Variants in AKAP13 observed in about 807,000 individuals in gnomAD.
AKAP13 encodes the protein A-kinase anchoring protein 13.
Under a neutral mutation model 264.5 loss-of-function variants are expected in AKAP13, and 80 were observed. The observed-to-expected ratio is 0.30, with a 90% CI of 0.25 to 0.36. AKAP13 has a LOEUF of 0.36. Ranked by LOEUF, AKAP13 falls within the 10% of genes least tolerant of loss-of-function variation. AKAP13 has a pLI of 1.00. For missense variants in AKAP13, 3,712 were observed against 3,435.2 expected (o/e 1.08, Z -2.01); for synonymous variants, 1,380 against 1,250.2 (o/e 1.10, Z -2.19).
intron 2 of AKAP13, 89 bp downstream of exon 2, chr15:85,485,842 T>C (rs2075524478): frequency 8.6e-6 from 11 of 1,283,734 alleles, no homozygotes; most frequent in Non-Finnish European, 1.1e-5. Context: ...TGATAGATCC[T>C]CAAGGAAAAT....
intron 1 of AKAP13, among the ~76,000 whole-genome samples, chr15:85,462,568 TTAATG>T (rs2074557255): frequency 6.6e-6 from 1 of 152,196 alleles, no homozygotes; most frequent in Non-Finnish European, 1.5e-5. Flanking sequence ...GACCAACTAA[TTAATG>T]GAGATTGGAT....
rs1327883496 is a variant in AKAP13 at position 85,745,284 on chromosome 15, C to T, written c.*607C>T. Reference sequence around the variant, plus strand: ...CTAAACCCATCCCGGGCACATACCACCCGTGTTTTGCATGTATTTCTCATT... The same window carrying T: ...CTAAACCCATCCCGGGCACATACCATCCGTGTTTTGCATGTATTTCTCATT... On this transcript the variant is annotated 3_prime_UTR_variant, in exon 37 of 37. Transcript: ENST00000394518. 1 of 152,222 alleles carries T rather than the reference C, an allele frequency of 6.6e-6. No individual in the cohort carries two copies. The highest frequency in any genetic ancestry group is 6.5e-5 in the Admixed American group (1 of 15,274). 9.4% of individuals were successfully genotyped at this position (152,222 alleles called of 1,614,324 possible).
chr15:85,699,510 G>C (rs748339042), intron 17 of AKAP13, among the ~76,000 whole-genome samples: 5 of 152,072 alleles, frequency 3.3e-5, no homozygotes, highest in African/African-American at 9.7e-5. Context: ...TTAACAATCT[G>C]AAGAAAGAGA....
At chr15:85,440,432 A>G (rs2073587090) in intron 1 of AKAP13, among the ~76,000 whole-genome samples, 2 of 152,204 alleles carry the variant, frequency 1.3e-5, no homozygotes, top group South Asian at 2.1e-4. Flanking sequence ...TTGTAAATTC[A>G]TGGATTTTAT....
At chr15:85,570,198 C>G (rs2078765937) in intron 5 of AKAP13, among the ~76,000 whole-genome samples, 1 of 151,876 alleles carries the variant, frequency 6.6e-6, no homozygotes, top group African/African-American at 2.4e-5. Context: ...CGCCTGTAAT[C>G]CCAGCACTTT....
At chr15:85,631,359 A>G (rs1170261609) in intron 8 of AKAP13, among the ~76,000 whole-genome samples, 1 of 152,152 alleles carries the variant, frequency 6.6e-6, no homozygotes, top group Admixed American at 6.5e-5. Flanking sequence ...CATAGTGGTG[A>G]TGGTTACACA....
At chr15:85,480,574 G>A (rs1242444500) in intron 1 of AKAP13, among the ~76,000 whole-genome samples, 1 of 149,730 alleles carries the variant, frequency 6.7e-6, no homozygotes. Context: ...AGAGAATATT[G>A]TATGGCACCC....
At chr15:85,474,873 C>T (rs1214452538) in intron 1 of AKAP13, among the ~76,000 whole-genome samples, 2 of 152,128 alleles carry the variant, frequency 1.3e-5, no homozygotes, top group Non-Finnish European at 1.5e-5. Context: ...ACATTTTTAA[C>T]GTCTCTGATC....
intron 2 of AKAP13, among the ~76,000 whole-genome samples, chr15:85,514,200 C>G (rs2076532961): frequency 7.3e-6 from 1 of 137,426 alleles, no homozygotes; most frequent in South Asian, 2.2e-4. Flanking sequence ...GCAATCTCCC[C>G]TCTTTAAGCA....
intron 1 of AKAP13, among the ~76,000 whole-genome samples, chr15:85,474,013 A>G (rs764064128): frequency 6.6e-5 from 10 of 152,238 alleles, no homozygotes; most frequent in Non-Finnish European, 1.2e-4. Context: ...TCCTTAAGAA[A>G]TACAGCCCAC....
chr15:85,731,525 T>C (rs1410942411), intron 30 of AKAP13, among the ~76,000 whole-genome samples: 1 of 152,222 alleles, frequency 6.6e-6, no homozygotes, highest in Non-Finnish European at 1.5e-5. Context: ...CTGTTGTCTG[T>C]TTCCTTCAGA....
intron 1 of AKAP13, among the ~76,000 whole-genome samples, chr15:85,463,850 T>C (rs2074620873): frequency 6.6e-6 from 1 of 152,006 alleles, no homozygotes; most frequent in African/African-American, 2.4e-5. Context: ...GTGGCAGTGC[T>C]AGGAGTCAGT....
At chr15:85,405,087 T>C (rs2071601228) in intron 1 of AKAP13, among the ~76,000 whole-genome samples, 1 of 152,198 alleles carries the variant, frequency 6.6e-6, no homozygotes, top group South Asian at 2.1e-4. Flanking sequence ...GTGAAGTTTC[T>C]TAATGTGACT....
At position 85,747,371 on chromosome 15, in the gene AKAP13, T is replaced by TATCAATCA. The variant is rs3833026; in HGVS notation, c.*2698_*2699insATCAATCA. ...GGATCTAATGGCCTGTCTTGGTTTC[T>TATCAATCA]ATCACATGAGAAGGGGTTGTTTTTT... On this transcript the variant is annotated 3_prime_UTR_variant, in exon 37 of 37. Coordinates refer to ENST00000394518, the MANE Select transcript of AKAP13 (RefSeq NM_007200.5). 5 of 152,078 alleles carry TATCAATCA rather than the reference T, an allele frequency of 3.3e-5. No homozygotes were observed. The highest frequency in any genetic ancestry group is 3.3e-4 in the Admixed American group (5 of 15,258). 9.4% of individuals were successfully genotyped at this position (152,078 alleles called of 1,614,324 possible).
intron 1 of AKAP13, among the ~76,000 whole-genome samples, chr15:85,484,151 A>T (rs1410685949): frequency 6.6e-6 from 1 of 152,218 alleles, no homozygotes; most frequent in Non-Finnish European, 1.5e-5. Flanking sequence ...TTAAAAGGCC[A>T]GTGAGCACAG....
intron 8 of AKAP13, among the ~76,000 whole-genome samples, chr15:85,633,668 C>T (rs958584577): frequency 4.6e-5 from 7 of 151,108 alleles, no homozygotes; most frequent in African/African-American, 7.3e-5. Context: ...CTCAGCCTCC[C>T]GAGTAGCTGG....
chr15:85,420,793 T>G (rs1596112546), intron 1 of AKAP13, among the ~76,000 whole-genome samples: 1 of 152,274 alleles, frequency 6.6e-6, no homozygotes, highest in East Asian at 1.9e-4. Flanking sequence ...GGCTATTACT[T>G]TTTCATTGGA....
At chr15:85,461,606 G>GT (rs34585639) in intron 1 of AKAP13, among the ~76,000 whole-genome samples, 45,306 of 150,846 alleles carry the variant, frequency 0.3, 8,959 homozygotes, top group Non-Finnish European at 0.44. Context: ...TAAATGGTGT[G>GT]TTTTTTTTTG....
rs202176585 is a variant in AKAP13 at position 85,684,773 on chromosome 15, A to G, written c.5189A>G (p.His1730Arg). Reference sequence around the variant, plus strand: ...GAAGAGAACTATAATTTCCTGCCACATAGCCCCTCCAAGAAAGATTCTGAA... The same window carrying G: ...GAAGAGAACTATAATTTCCTGCCACGTAGCCCCTCCAAGAAAGATTCTGAA... ...ITEENYNFLP[H>R]SPSKKDSEWK... Residue 1730 changes from histidine (H) to arginine (R), a missense_variant, in exon 16 of 37, where the codon CAT becomes CGT. Transcript: ENST00000394518. 147 of 1,613,672 alleles carry G rather than the reference A, an allele frequency of 9.1e-5. No individual in the cohort carries two copies. The highest frequency in any genetic ancestry group is 2.8e-4 in the Admixed American group (17 of 60,018).
Sources: gnomAD v4.1 joint callset for allele counts (sites outside exome capture counted in the v4.1 genomes callset) on GRCh38, gnomAD v4.1.1 for gene constraint, MANE v1.5 for transcripts, NCBI Gene and HGNC (gene_info 2026-07-23, HGNC 2026-07-21) for gene names.